Variants in UVRAG observed in about 807,000 individuals in gnomAD.
The protein encoded by UVRAG is UV radiation resistance-associated gene protein.
UVRAG carries 19 observed loss-of-function variants against 78.0 expected under a neutral mutation model. The observed-to-expected ratio is 0.24, with a 90% CI of 0.17 to 0.36. The LOEUF is 0.36. Among genes scored for constraint, UVRAG ranks in the 10% least tolerant of loss-of-function variants. The pLI is 1.00. For synonymous variants in UVRAG, 323 were observed against 324.6 expected, an observed-to-expected ratio of 1.00 and a Z score of 0.05; for missense variants, 740 against 853.8, an observed-to-expected ratio of 0.87 and a Z score of 1.66.
intron 1 of UVRAG, among the ~76,000 whole-genome samples, chr11:75,837,195 C>G (rs576135154): frequency 1.3e-5 from 2 of 152,132 alleles, no homozygotes; most frequent in South Asian, 4.2e-4. Flanking sequence ...AGCGTGGTGG[C>G]AGGCACCTGT....
chr11:75,822,513 C>T (rs996926820), intron 1 of UVRAG, among the ~76,000 whole-genome samples: 3 of 152,096 alleles, frequency 2.0e-5, no homozygotes, highest in African/African-American at 7.2e-5. Context: ...TAAAACTGTC[C>T]CCTACTTCAC....
intron 4 of UVRAG, among the ~76,000 whole-genome samples, chr11:75,880,670 T>G (rs1018536163): frequency 1.3e-5 from 2 of 152,158 alleles, no homozygotes; most frequent in African/African-American, 4.8e-5. Context: ...TTCTCCTGCC[T>G]CAGCCTCACA....
At chr11:75,969,349 G>A in intron 7 of UVRAG, among the ~76,000 whole-genome samples, 1 of 152,106 alleles carries the variant, frequency 6.6e-6, no homozygotes, top group South Asian at 2.1e-4. Flanking sequence ...GAATAATACT[G>A]CATTGTATGT....
chr11:76,008,127 G>T (rs913474092), intron 10 of UVRAG, among the ~76,000 whole-genome samples: 1 of 151,962 alleles, frequency 6.6e-6, no homozygotes, highest in African/African-American at 2.4e-5. Flanking sequence ...AGCCAGGATG[G>T]TCTCGATCTC....
chr11:76,014,497 A>G (rs1289417000), intron 11 of UVRAG, among the ~76,000 whole-genome samples: 1 of 152,216 alleles, frequency 6.6e-6, no homozygotes, highest in African/African-American at 2.4e-5. Context: ...AAAGGTGGTT[A>G]TTGAAGATCA....
chr11:76,085,599 A>G (rs1339377429), intron 13 of UVRAG, among the ~76,000 whole-genome samples: 1 of 152,222 alleles, frequency 6.6e-6, no homozygotes, highest in Non-Finnish European at 1.5e-5. Flanking sequence ...ACATACTGGC[A>G]CTTTAGCCTT....
intron 6 of UVRAG, among the ~76,000 whole-genome samples, chr11:75,947,037 C>T (rs932196894): frequency 6.6e-5 from 10 of 152,140 alleles, no homozygotes; most frequent in African/African-American, 1.9e-4. Context: ...TTCCTTCTTG[C>T]ATGCGTGTGG....
chr11:76,087,707 T>C (rs2134421445), intron 13 of UVRAG, among the ~76,000 whole-genome samples: 1 of 152,316 alleles, frequency 6.6e-6, no homozygotes, highest in South Asian at 2.1e-4. Context: ...CTTATAGCAT[T>C]CCTTAAGGTG....
chr11:75,824,218 C>A (rs1046583876), intron 1 of UVRAG, among the ~76,000 whole-genome samples: 1 of 152,110 alleles, frequency 6.6e-6, no homozygotes, highest in Non-Finnish European at 1.5e-5. Flanking sequence ...AGTTGAGTAT[C>A]TAAAAAGTAA....
intron 5 of UVRAG, among the ~76,000 whole-genome samples, chr11:75,905,596 A>G (rs1489289137): frequency 6.6e-6 from 1 of 152,172 alleles, no homozygotes; most frequent in Non-Finnish European, 1.5e-5. Context: ...TTGGTGTTGC[A>G]TCTACATGTA....
intron 11 of UVRAG, among the ~76,000 whole-genome samples, chr11:76,013,339 G>T (rs555033455): frequency 4.2e-4 from 64 of 152,164 alleles, no homozygotes; most frequent in South Asian, 3.3e-3. Flanking sequence ...TTATTTTCAA[G>T]CCCCTTAAAA....
intron 7 of UVRAG, among the ~76,000 whole-genome samples, chr11:75,963,579 C>A (rs1275692373): frequency 2.0e-5 from 3 of 152,194 alleles, no homozygotes; most frequent in African/African-American, 7.2e-5. Context: ...TTTAAGAAAT[C>A]ATTTTCATTT....
chr11:76,038,593 G>C (rs1239524848), intron 12 of UVRAG, among the ~76,000 whole-genome samples: 1 of 152,194 alleles, frequency 6.6e-6, no homozygotes, highest in Non-Finnish European at 1.5e-5. Context: ...ATCCTCCACA[G>C]ATACTGAGAG....
At chr11:76,042,470 C>T (rs1383052158) in intron 12 of UVRAG, among the ~76,000 whole-genome samples, 1 of 152,082 alleles carries the variant, frequency 6.6e-6, no homozygotes, top group Non-Finnish European at 1.5e-5. Flanking sequence ...CTCAAGAGGT[C>T]CCTATTGTTA....
intron 7 of UVRAG, among the ~76,000 whole-genome samples, chr11:75,969,656 T>A (rs1243380981): frequency 1.3e-5 from 2 of 152,148 alleles, no homozygotes; most frequent in Non-Finnish European, 2.9e-5. Context: ...TGGAAATAAG[T>A]TTTTCTGCTG....
chr11:76,127,309 G>A (rs1952421292), intron 14 of UVRAG, among the ~76,000 whole-genome samples: 1 of 152,220 alleles, frequency 6.6e-6, no homozygotes, highest in African/African-American at 2.4e-5. Flanking sequence ...AGATCACTTA[G>A]ATTGGCATGG....
chr11:76,065,903 T>C (rs1414309361), intron 13 of UVRAG, 115 bp downstream of exon 13: 23 of 865,326 alleles, frequency 2.7e-5, no homozygotes, highest in Non-Finnish European at 4.0e-5. Flanking sequence ...ATTTAACCAG[T>C]TACATTAGTA....
intron 12 of UVRAG, among the ~76,000 whole-genome samples, chr11:76,064,570 G>T (rs1426412006): frequency 2.6e-5 from 4 of 152,086 alleles, no homozygotes; most frequent in African/African-American, 9.7e-5. Context: ...CTTTAGTAGA[G>T]AATAAATACA....
At chr11:76,023,003 C>T (rs921040143) in intron 12 of UVRAG, among the ~76,000 whole-genome samples, 2 of 152,020 alleles carry the variant, frequency 1.3e-5, no homozygotes, top group African/African-American at 2.4e-5. Context: ...TGAACTGATA[C>T]CAGTTAGCTT....
Sources: allele counts gnomAD v4.1 joint callset (sites outside exome capture counted in the v4.1 genomes callset), GRCh38; gene constraint gnomAD v4.1.1; transcripts MANE v1.5; gene names NCBI Gene and HGNC (gene_info 2026-07-23, HGNC 2026-07-21).